TRMT11: variants seen among roughly 807,000 people sequenced by gnomAD.
TRMT11 encodes the protein tRNA (guanine(10)-N(2))-methyltransferase TRMT11.
Under a neutral mutation model 62.8 loss-of-function variants are expected in TRMT11, and 53 were observed. That is an observed-to-expected ratio of 0.84 (90% CI 0.68 to 1.06). The LOEUF (loss-of-function observed/expected upper bound fraction) is 1.06, where lower values mean the gene tolerates loss of function less well. Ranked by LOEUF, TRMT11 falls within the 50% of genes least tolerant of loss-of-function variation. The pLI, the probability that TRMT11 is intolerant of heterozygous loss-of-function variation, is 0.00. For synonymous variants in TRMT11, 188 were observed against 190.3 expected (o/e 0.99, Z 0.10); for missense variants, 556 against 553.4 (o/e 1.00, Z -0.05).
At chr6:126,111,543 T>G (rs1777531906) in intron 17 of TRMT11, among the ~76,000 whole-genome samples, 1 of 152,130 alleles carries the variant, frequency 6.6e-6, no homozygotes, top group African/African-American at 2.4e-5. Flanking sequence ...CAGCACCAGA[T>G]CACCTCTTAT....
At chr6:126,090,699 C>T (rs1777263909) in intron 17 of TRMT11, among the ~76,000 whole-genome samples, 1 of 152,144 alleles carries the variant, frequency 6.6e-6, no homozygotes, top group African/African-American at 2.4e-5. Flanking sequence ...CATGTTTGCT[C>T]TAATACATAA....
chr6:126,230,663 G>A, the TRMT11 span, among the ~76,000 whole-genome samples: 4 of 152,074 alleles, frequency 2.6e-5, no homozygotes, highest in Non-Finnish European at 2.9e-5. Flanking sequence ...TAACTGCATC[G>A]GATATTTTTA....
chr6:125,998,050 T>A lies in TRMT11; in HGVS notation c.213-3T>A. 1.2e-6 allele frequency: 2 copies of A among 1,604,258 alleles called. No homozygotes were observed. Among genetic ancestry groups the A allele is most frequent in the Non-Finnish European group, 1.7e-6 (2 of 1,171,996 alleles). ...AGGTTAGTACCAATCATTTATTTCC[T>A]AGGTCTATATTTGAACTATGGGGTC... is the stretch of plus-strand genomic sequence containing the variant. On this transcript the variant is annotated splice_region_variant and splice_polypyrimidine_tract_variant and intron_variant, in intron 3 of 12. Coordinates refer to ENST00000334379, the MANE Select transcript of TRMT11 (RefSeq NM_001031712.3).
At chr6:126,009,969 G>A (rs1025038837) in intron 8 of TRMT11, among the ~76,000 whole-genome samples, 3 of 151,776 alleles carry the variant, frequency 2.0e-5, no homozygotes, top group African/African-American at 7.3e-5. Flanking sequence ...GTTTCCTGTG[G>A]TTCTGAACTC....
intron 21 of TRMT11, among the ~76,000 whole-genome samples, chr6:126,152,289 A>G (rs1778068847): frequency 1.3e-5 from 2 of 151,918 alleles, no homozygotes; most frequent in South Asian, 4.1e-4. Context: ...AAAAAAAATC[A>G]AACATGATCA....
At chr6:126,193,490 ATT>A (rs60064329) in intron 1 of TRMT11, among the ~76,000 whole-genome samples, 389 of 73,218 alleles carry the variant, frequency 5.3e-3, no homozygotes, top group South Asian at 0.031. Flanking sequence ...GCGTTTCTGT[ATT>A]TTTTTTTTTT....
At chr6:126,134,423 A>G (rs1298927475) in intron 21 of TRMT11, among the ~76,000 whole-genome samples, 1 of 151,920 alleles carries the variant, frequency 6.6e-6, no homozygotes, top group African/African-American at 2.4e-5. Flanking sequence ...CTATAATGAT[A>G]AAACGTCAAT....
chr6:126,171,428 G>A (rs1350834128), intron 21 of TRMT11, among the ~76,000 whole-genome samples: 3 of 152,058 alleles, frequency 2.0e-5, no homozygotes, highest in Non-Finnish European at 4.4e-5. Flanking sequence ...CTTGGTGCTG[G>A]TGTTGACTGG....
the TRMT11 span, among the ~76,000 whole-genome samples, chr6:126,229,150 AAT>A: frequency 6.6e-6 from 1 of 152,202 alleles, no homozygotes; most frequent in Non-Finnish European, 1.5e-5. Context: ...ACTAATAAAA[AAT>A]GTTATATTTT....
upstream of TRMT11, among the ~76,000 whole-genome samples, chr6:126,175,756 C>T (rs1299867475): frequency 1.3e-5 from 2 of 152,202 alleles, no homozygotes; most frequent in Non-Finnish European, 2.9e-5. Context: ...GTTTAGTACT[C>T]TGCAGACATC....
Position 126,106,131 on chromosome 6 carries a change from G to T in TRMT11, c.*1438-6735G>T, listed in dbSNP as rs1459078439. 2.6e-5 allele frequency among the ~76,000 whole-genome samples: 4 copies of T among 151,194 alleles called. No individual in the cohort carries two copies. The East Asian group carries it at 7.7e-4, about 29-fold the overall frequency. On this transcript the variant is annotated intron_variant and NMD_transcript_variant, in intron 17 of 22. Coordinates refer to the TRMT11 transcript ENST00000648977. ...ATTTTTTATATCTTAATGTTTTTTTGACTAGGATTCCAGTTGGATTTTTTT... is the reference window on the plus strand; with the variant it reads ...ATTTTTTATATCTTAATGTTTTTTTTACTAGGATTCCAGTTGGATTTTTTT...
chr6:126,014,385 G>A (rs183226310), intron 11 of TRMT11, among the ~76,000 whole-genome samples: 4 of 152,180 alleles, frequency 2.6e-5, no homozygotes, highest in African/African-American at 9.6e-5. Context: ...CGAGTAGCTG[G>A]GATTACAGGT....
the TRMT11 span, among the ~76,000 whole-genome samples, chr6:126,243,568 A>T: frequency 1.3e-5 from 2 of 152,348 alleles, no homozygotes; most frequent in African/African-American, 4.8e-5. Flanking sequence ...GGATTAAGAA[A>T]ATGTGCACAT....
At chr6:126,254,513 A>T in the TRMT11 span, among the ~76,000 whole-genome samples, 5 of 152,252 alleles carry the variant, frequency 3.3e-5, no homozygotes, top group African/African-American at 1.2e-4. Flanking sequence ...CGTGAGTCTC[A>T]TGAGGGGCTT....
At chr6:126,130,870 C>T (rs1242929858) in intron 21 of TRMT11, among the ~76,000 whole-genome samples, 2 of 152,098 alleles carry the variant, frequency 1.3e-5, no homozygotes, top group East Asian at 1.9e-4. Flanking sequence ...TAAATATGAG[C>T]CTTTGCTCCT....
At chr6:126,098,304 C>T (rs968640741) in intron 17 of TRMT11, among the ~76,000 whole-genome samples, 3 of 152,198 alleles carry the variant, frequency 2.0e-5, no homozygotes. Flanking sequence ...CTGCCCACTC[C>T]TAACTCTTCC....
At chr6:126,208,199 G>A (rs1778807306), downstream of TRMT11, among the ~76,000 whole-genome samples, 1 of 152,144 alleles carries the variant, frequency 6.6e-6, no homozygotes, top group Non-Finnish European at 1.5e-5. Context: ...CAAACTACAT[G>A]TGCTCCTCTT....
intron 16 of TRMT11, among the ~76,000 whole-genome samples, chr6:126,049,494 G>C (rs9388467): frequency 0.42 from 63,469 of 151,716 alleles, 15,657 homozygotes; most frequent in East Asian, 0.94. Context: ...GTCAATTGTT[G>C]TTCCTCTGTA....
chr6:126,198,352 T>C (rs1481308030), intron 1 of TRMT11, among the ~76,000 whole-genome samples: 1 of 152,224 alleles, frequency 6.6e-6, no homozygotes, highest in African/African-American at 2.4e-5. Context: ...TATTCTTGTA[T>C]AGAATATATA....
Sources: allele counts gnomAD v4.1 joint callset (sites outside exome capture counted in the v4.1 genomes callset), GRCh38; gene constraint gnomAD v4.1.1; transcripts MANE v1.5; gene names NCBI Gene and HGNC (gene_info 2026-07-23, HGNC 2026-07-21).